SLC9A3: variants seen among roughly 807,000 people sequenced by gnomAD.
SLC9A3 encodes the protein sodium/hydrogen exchanger 3.
SLC9A3 carries 37 observed loss-of-function variants against 86.8 expected under a neutral mutation model. The ratio of observed to expected loss-of-function variants is 0.43; its 90% CI spans 0.33 to 0.56. The LOEUF (loss-of-function observed/expected upper bound fraction) is 0.56, where lower values mean the gene tolerates loss of function less well. Among genes scored for constraint, SLC9A3 ranks in the 20% least tolerant of loss-of-function variants. SLC9A3 has a pLI of 0.06. For missense variants in SLC9A3, 1,011 were observed against 1,171.9 expected (o/e 0.86, Z 2.00); for synonymous variants, 581 against 528.3 (o/e 1.10, Z -1.37).
intron 15 of SLC9A3, 114 bp from the exon 16 acceptor site, chr5:475,246 G>T (rs1010878234): frequency 2.8e-6 from 3 of 1,080,478 alleles, no homozygotes; most frequent in Non-Finnish European, 3.9e-6. Flanking sequence ...CACCGGGAAG[G>T]TTAGGGTCAC....
At position 482,094 on chromosome 5, in the gene SLC9A3, G is replaced by C. The variant is rs1294353342; in HGVS notation, c.1420C>G (p.Arg474Gly). 4 of 1,599,728 alleles carry C rather than the reference G, an allele frequency of 2.5e-6. No individual in the cohort carries two copies. Among genetic ancestry groups the C allele is most frequent in the Non-Finnish European group, 3.4e-6 (4 of 1,173,190 alleles). ...CGCCCGTGCAGCTTCTCGTTGAGCC[G>C]AGGTTCCCGGTGCTCGCTCCTCTTC... Reference protein sequence around the residue: ...KVKRSEHREPRLNEKLHGRAF... With the variant: ...KVKRSEHREPGLNEKLHGRAF... Residue 474 changes from arginine (R) to glycine (G), a missense_variant, in exon 8 of 17, where the codon CGG (arginine) becomes GGG (glycine). Transcript: ENST00000264938.
intron 2 of SLC9A3, 38 bp from the exon 3 acceptor site, chr5:488,514 C>T (rs969997331): frequency 6.7e-6 from 10 of 1,495,192 alleles, no homozygotes; most frequent in Non-Finnish European, 8.0e-6. Context: ...GCTGCAGGGC[C>T]TGCCACCCGA....
intron 1 of SLC9A3, among the ~76,000 whole-genome samples, chr5:509,969 G>T (rs982604328): frequency 6.6e-6 from 1 of 152,228 alleles, no homozygotes; most frequent in African/African-American, 2.4e-5. Flanking sequence ...CACTCAGCTG[G>T]CTTCCCAGGG....
At chr5:516,813 C>T (rs1311725076) in intron 1 of SLC9A3, among the ~76,000 whole-genome samples, 1 of 152,210 alleles carries the variant, frequency 6.6e-6, no homozygotes, top group Non-Finnish European at 1.5e-5. Context: ...GTCTGCCACT[C>T]CTTGGCAGGC....
chr5:518,752 C>T (rs1733805220), intron 1 of SLC9A3, among the ~76,000 whole-genome samples: 1 of 152,180 alleles, frequency 6.6e-6, no homozygotes, highest in Admixed American at 6.5e-5. Context: ...GAGCTTGGGC[C>T]CAGACAGGCA....
At position 470,521 on chromosome 5, in the gene SLC9A3, GTT is replaced by G. The variant is rs1209553359; in HGVS notation, c.*2856_*2857del. On this transcript the variant is annotated 3_prime_UTR_variant, in exon 17 of 17. Coordinates refer to ENST00000264938, the MANE Select transcript of SLC9A3 (RefSeq NM_004174.4). ...GTTTGCACCCAAAATGCCTTGAAATGTTTTTAATAGAATTGGTCTAGTAATCG... is the reference window on the plus strand; with the variant it reads ...GTTTGCACCCAAAATGCCTTGAAATGTTTAATAGAATTGGTCTAGTAATCG... The G allele has an allele frequency of 6.6e-6, 1 of 152,348 alleles. No homozygotes were observed. The highest frequency in any genetic ancestry group is 2.4e-5 in the African/African-American group (1 of 41,446). The allele number at this position is 152,348 out of a possible 1,614,324, so 9.4% of individuals were successfully genotyped here. A position where few individuals can be genotyped will look rare whatever the true frequency, so the allele number is the denominator to read the frequency against.
intron 6 of SLC9A3, among the ~76,000 whole-genome samples, chr5:483,025 C>T (rs527238288): frequency 5.3e-5 from 8 of 152,112 alleles, no homozygotes; most frequent in Admixed American, 1.3e-4. Context: ...TTCCATCTCT[C>T]GTGCCACTGA....
chr5:480,457 C>G (rs912687506), intron 9 of SLC9A3: 1 of 157,374 alleles, frequency 6.4e-6, no homozygotes, highest in African/African-American at 2.4e-5. Flanking sequence ...GGAGGTGATG[C>G]CTGTCACTTG....
intron 3 of SLC9A3, 86 bp from the exon 4 acceptor site, chr5:485,317 G>A (rs1045827536): frequency 7.9e-5 from 86 of 1,088,648 alleles, no homozygotes; most frequent in Middle Eastern, 2.0e-4. Flanking sequence ...GACTTGGCCC[G>A]AGTGTGGAGC....
At position 491,898 on chromosome 5, in the gene SLC9A3, A is replaced by G. The variant is rs1739762707; in HGVS notation, c.385T>C (p.Tyr129His). 6.2e-7 allele frequency: 1 copy of G among 1,611,486 alleles called. No homozygotes were observed. The highest frequency in any genetic ancestry group is 8.5e-7 in the Non-Finnish European group (1 of 1,179,374). ...LLPPIVLDAG[Y>H]FMPNRLFFGN... ...AAGAAGAGGCGGTTGGGCATGAAGT[A>G]GCCGGCGTCCAGCACGATGGGGGGC... The change falls in exon 2 of 17, where the codon TAC becomes CAC. Residue 129 changes from tyrosine (Y) to histidine (H), a missense_variant. Coordinates refer to ENST00000264938, the MANE Select transcript of SLC9A3 (RefSeq NM_004174.4). The surrounding 1 kb of genome is among the most constrained non-coding windows in gnomAD (Gnocchi z 9.2).
chr5:472,185 A>G lies in SLC9A3; in HGVS notation c.*1194T>C, dbSNP rs989669257. ...CCACTCAATGGACTGTGCCTCCCAG[A>G]GCTTGGGCTGGATGGTCTCCCTGCA... On this transcript the variant is annotated 3_prime_UTR_variant, in exon 17 of 17. Coordinates refer to ENST00000264938, the MANE Select transcript of SLC9A3 (RefSeq NM_004174.4). 2.7e-6 allele frequency: 1 copy of G among 364,260 alleles called. No individual in the cohort carries two copies. Among genetic ancestry groups the G allele is most frequent in the African/African-American group, 2.1e-5 (1 of 46,904 alleles). The allele number at this position is 364,260 out of a possible 1,614,324, so 22.6% of individuals were successfully genotyped here. A position where few individuals can be genotyped will look rare whatever the true frequency, so the allele number is the denominator to read the frequency against.
intron 9 of SLC9A3, among the ~76,000 whole-genome samples, chr5:481,135 C>T (rs1302242271): frequency 6.6e-6 from 1 of 152,196 alleles, no homozygotes; most frequent in East Asian, 1.9e-4. Flanking sequence ...AGTGAGCTGA[C>T]CACCTCAGTC....
chr5:476,728 G>A (rs987551449), intron 11 of SLC9A3, 56 bp from the exon 12 acceptor site: 67 of 1,582,888 alleles, frequency 4.2e-5, no homozygotes, highest in African/African-American at 1.3e-4. Context: ...GGTCTCTTGC[G>A]CGCCCCTCGC....
chr5:487,044 C>T (rs1360578251), intron 3 of SLC9A3, among the ~76,000 whole-genome samples: 7 of 5,400 alleles, frequency 1.3e-3, no homozygotes, highest in African/African-American at 2.8e-3. Context: ...TGACACCCAC[C>T]GCACTGACAC....
At position 484,477 on chromosome 5, in the gene SLC9A3, G is replaced by A. The variant is rs1227112593; in HGVS notation, c.932+43C>T. 4 of 1,596,930 alleles carry A rather than the reference G, an allele frequency of 2.5e-6. No individual in the cohort carries two copies. The East Asian group carries it at 9.0e-5, about 36-fold the overall frequency. ...ACCCAGGAGGGTGTGGAGAAGCTCGGGAGGAGGGCGTGGAGAAGCTCGCGT... is the reference window on the plus strand; with the variant it reads ...ACCCAGGAGGGTGTGGAGAAGCTCGAGAGGAGGGCGTGGAGAAGCTCGCGT... On this transcript the variant is annotated intron_variant, in intron 5 of 16. Transcript: ENST00000264938.
chr5:492,447 AGCCCTCGGGGGAGG>A (rs1739821403), intron 1 of SLC9A3, among the ~76,000 whole-genome samples: 1 of 58,302 alleles, frequency 1.7e-5, no homozygotes, highest in African/African-American at 6.8e-5. Flanking sequence ...GTCAGGGCAG[AGCCCTCGGGGGAGG>A]GGAGGGAGGT....
intron 1 of SLC9A3, among the ~76,000 whole-genome samples, chr5:505,926 G>C (rs1315529644): frequency 6.6e-6 from 1 of 151,778 alleles, no homozygotes; most frequent in Admixed American, 6.6e-5. Context: ...CCTCACTTTG[G>C]GGTGGGGTTA....
chr5:483,404 G>A lies in SLC9A3; in HGVS notation c.1011C>T (p.Tyr337=). Residue 337 remains tyrosine (Y), a synonymous_variant, in exon 6 of 17, where the codon TAC becomes TAT. Transcript: ENST00000264938. ...ISEQSATTVR[Y]TMKMLASSAE... is the part of the protein sequence containing the mutation. ...CGCTGCTGGCCAGCATCTTCATGGT[G>A]TAGCGCACGGTGGTGGCCGACTGCT... is the stretch of plus-strand genomic sequence containing the variant. 3.8e-6 allele frequency: 6 copies of A among 1,581,018 alleles called. No homozygotes were observed. The highest frequency in any genetic ancestry group is 5.2e-6 in the Non-Finnish European group (6 of 1,163,902).
intron 1 of SLC9A3, among the ~76,000 whole-genome samples, chr5:520,130 C>T (rs111240231): frequency 2.3e-4 from 35 of 152,214 alleles, no homozygotes; most frequent in Admixed American, 7.8e-4. Context: ...ACCCTCAAGG[C>T]GCCACCTCCC....
Sources: allele counts gnomAD v4.1 joint callset (sites outside exome capture counted in the v4.1 genomes callset), GRCh38; gene constraint gnomAD v4.1.1; non-coding constraint Gnocchi (gnomAD v3.1); transcripts MANE v1.5; gene names NCBI Gene and HGNC (gene_info 2026-07-23, HGNC 2026-07-21).